The following GRIN2B variants were observed in gnomAD, a reference collection of about 807,000 sequenced individuals.
GRIN2B encodes glutamate receptor ionotropic, NMDA 2B.
GRIN2B carries 5 observed loss-of-function variants against 114.5 expected under a neutral mutation model. The observed-to-expected ratio is 0.04, with a 90% confidence interval of 0.02 to 0.09. The LOEUF is 0.09. Among genes scored for constraint, GRIN2B ranks in the 10% least tolerant of loss-of-function variants. The pLI is 1.00. For missense variants in GRIN2B, 1,108 were observed against 1,943.5 expected, an observed-to-expected ratio of 0.57 and a Z score of 8.08; for synonymous variants, 787 against 745.1, an observed-to-expected ratio of 1.06 and a Z score of -0.92.
intron 10 of GRIN2B, among the ~76,000 whole-genome samples, chr12:13,573,653 C>T (rs1183617010): frequency 6.6e-6 from 1 of 152,204 alleles, no homozygotes; most frequent in African/African-American, 2.4e-5. Flanking sequence ...TTGAAGTCCT[C>T]TTGGTTTCAA....
chr12:13,891,240 C>T (rs906741916), intron 2 of GRIN2B, among the ~76,000 whole-genome samples: 1 of 152,098 alleles, frequency 6.6e-6, no homozygotes, highest in African/African-American at 2.4e-5. Context: ...TGTTTTCTGC[C>T]AAGACTCTGG....
intron 2 of GRIN2B, among the ~76,000 whole-genome samples, chr12:13,907,569 G>A (rs1866561200): frequency 6.6e-6 from 1 of 152,004 alleles, no homozygotes; most frequent in African/African-American, 2.4e-5. Flanking sequence ...TTCAAGAACA[G>A]GCAAAATTTA....
rs199873201 is a variant in GRIN2B, at chr12:13,866,249, T to G, written c.-18-23A>C. ...TCCCTGCAAACACAAAGAAAGAGCATGTTAAAATAGGATCTACATCACGTA... is the reference window on the plus strand; with the variant it reads ...TCCCTGCAAACACAAAGAAAGAGCAGGTTAAAATAGGATCTACATCACGTA... On this transcript the variant is annotated intron_variant, in intron 2 of 13. Coordinates refer to ENST00000609686, the MANE Select transcript of GRIN2B (RefSeq NM_000834.5). 3.1e-5 allele frequency: 50 copies of G among 1,593,920 alleles called. No individual in the cohort carries two copies. In the South Asian group the frequency reaches 5.2e-4, roughly 16 times the overall value.
intron 3 of GRIN2B, among the ~76,000 whole-genome samples, chr12:13,833,846 G>C (rs552393988): frequency 6.6e-6 from 1 of 151,918 alleles, no homozygotes; most frequent in South Asian, 2.1e-4. Flanking sequence ...ACTACCCCAG[G>C]ATTCCTCCCT....
intron 3 of GRIN2B, among the ~76,000 whole-genome samples, chr12:13,790,407 T>C (rs1864300832): frequency 6.6e-6 from 1 of 152,244 alleles, no homozygotes; most frequent in Admixed American, 6.5e-5. Context: ...TTTCCTTGAA[T>C]GTGTAGACAC....
intron 4 of GRIN2B, among the ~76,000 whole-genome samples, chr12:13,711,400 C>T (rs1223802714): frequency 1.3e-5 from 2 of 152,136 alleles, no homozygotes; most frequent in Non-Finnish European, 2.9e-5. Flanking sequence ...AACTAAAGAG[C>T]TTCTGCACAG....
At chr12:13,827,226 T>C (rs1459398601) in intron 3 of GRIN2B, among the ~76,000 whole-genome samples, 3 of 108,668 alleles carry the variant, frequency 2.8e-5, no homozygotes, top group Non-Finnish European at 3.8e-5. Context: ...TTATTGTTGT[T>C]TTCTTTTTTT....
chr12:13,965,401 C>T (rs1012354442), intron 2 of GRIN2B, among the ~76,000 whole-genome samples: 2 of 152,166 alleles, frequency 1.3e-5, no homozygotes, highest in Non-Finnish European at 2.9e-5. Flanking sequence ...CAGCCTTTGG[C>T]CCTGCACTGG....
At chr12:13,943,320 C>T (rs1008453874) in intron 2 of GRIN2B, among the ~76,000 whole-genome samples, 1 of 152,156 alleles carries the variant, frequency 6.6e-6, no homozygotes, top group Non-Finnish European at 1.5e-5. Context: ...AAATGCAAGG[C>T]TGTCTGAGTC....
intron 3 of GRIN2B, among the ~76,000 whole-genome samples, chr12:13,787,296 T>C (rs1376489220): frequency 6.6e-6 from 1 of 152,120 alleles, no homozygotes; most frequent in Non-Finnish European, 1.5e-5. Flanking sequence ...ACACGTATCA[T>C]CAGAAAAGGT....
At chr12:13,969,543 C>G (rs958409309) in intron 2 of GRIN2B, among the ~76,000 whole-genome samples, 5 of 152,120 alleles carry the variant, frequency 3.3e-5, no homozygotes, top group Non-Finnish European at 5.9e-5. Flanking sequence ...TATAATTTTC[C>G]ATAGAAATTT....
chr12:13,611,655 T>C, intron 9 of GRIN2B, 70 bp downstream of exon 9: 1 of 1,447,926 alleles, frequency 6.9e-7, no homozygotes, highest in Admixed American at 1.7e-5. Context: ...AGATAACAAA[T>C]GAGGAGTCCA....
At chr12:13,819,120 T>A (rs979021774) in intron 3 of GRIN2B, among the ~76,000 whole-genome samples, 1 of 152,140 alleles carries the variant, frequency 6.6e-6, no homozygotes, top group Admixed American at 6.5e-5. Context: ...CTGACAAGTG[T>A]CTTTATAAAA....
At chr12:13,577,022 A>G (rs1276032090) in intron 10 of GRIN2B, among the ~76,000 whole-genome samples, 1 of 152,210 alleles carries the variant, frequency 6.6e-6, no homozygotes, top group African/African-American at 2.4e-5. Context: ...GAAGAGATCA[A>G]GTCGTTCCAG....
At chr12:13,891,446 T>C (rs1214840872) in intron 2 of GRIN2B, among the ~76,000 whole-genome samples, 5 of 152,156 alleles carry the variant, frequency 3.3e-5, no homozygotes, top group African/African-American at 9.7e-5. Context: ...TTGTAAGGCA[T>C]TGTTTAGTGC....
intron 3 of GRIN2B, among the ~76,000 whole-genome samples, chr12:13,837,248 C>A (rs899440862): frequency 3.3e-5 from 5 of 152,178 alleles, no homozygotes; most frequent in African/African-American, 1.2e-4. Context: ...CAAAACACAC[C>A]CTCTCTTGGC....
At position 13,599,047 on chromosome 12, in the gene GRIN2B, T is replaced by C. The variant is rs75598520; in HGVS notation, c.2010+9556A>G. ...CACTCTGGCCATTCTCAGGATCATG[T>C]TGGCCTGAAGCCAATGCTCCTGATG... On this transcript the variant is annotated intron_variant, in intron 10 of 13. Transcript: ENST00000609686. 3.4e-3 allele frequency among the ~76,000 whole-genome samples: 518 copies of C among 152,316 alleles called. 5 individuals carry two copies. The highest frequency in any genetic ancestry group is 0.012 in the African/African-American group (501 of 41,574).
chr12:13,736,152 T>C (rs772310231), intron 4 of GRIN2B, among the ~76,000 whole-genome samples: 1,933 of 11,930 alleles, frequency 0.16, 185 homozygotes, highest in South Asian at 0.25. Flanking sequence ...GGGGGGGGGT[T>C]GGCGGGAATA....
In GRIN2B at chr12:13,847,732, G is replaced by A. The variant is rs1166333215; in HGVS notation, c.411+18066C>T. 2.0e-5 allele frequency among the ~76,000 whole-genome samples: 3 copies of A among 152,072 alleles called. No homozygotes were observed. The East Asian group carries it at 5.8e-4, about 29-fold the overall frequency. On this transcript the variant is annotated intron_variant, in intron 3 of 13. Coordinates refer to ENST00000609686, the MANE Select transcript of GRIN2B (RefSeq NM_000834.5). ...ACAGAGAGAAGGAACAATCAGAGAA[G>A]CCAAGAGGGGAAGAAACAAAGAAGG... is the stretch of plus-strand genomic sequence containing the variant.
Sources: allele counts gnomAD v4.1 joint callset (sites outside exome capture counted in the v4.1 genomes callset), GRCh38; gene constraint gnomAD v4.1.1; transcripts MANE v1.5; gene names NCBI Gene and HGNC (gene_info 2026-07-23, HGNC 2026-07-21).